The following KLHDC1 variants were observed in gnomAD, a reference collection of about 807,000 sequenced individuals.
KLHDC1 encodes the protein kelch domain containing 1.
Under a neutral mutation model 68.3 loss-of-function variants are expected in KLHDC1, and 53 were observed. That is an observed-to-expected ratio of 0.78 (90% CI 0.62 to 0.98). The LOEUF is 0.98. KLHDC1 is among the 50% of genes least tolerant of loss of function. KLHDC1 has a pLI of 0.00. For synonymous variants in KLHDC1, 148 were observed against 159.0 expected, an observed-to-expected ratio of 0.93 and a Z score of 0.52; for missense variants, 470 against 492.3, an observed-to-expected ratio of 0.95 and a Z score of 0.43.
intron 1 of KLHDC1, among the ~76,000 whole-genome samples, chr14:49,695,116 ATGTGTGTGTGTG>A (rs71115393): frequency 3.5e-4 from 50 of 142,202 alleles, no homozygotes; most frequent in Non-Finnish European, 5.3e-4. Flanking sequence ...TGCAGTTTTG[ATGTGTGTGTGTG>A]TGTGTGTGTG....
At chr14:49,705,679 C>G (rs142273878) in intron 1 of KLHDC1, among the ~76,000 whole-genome samples, 1 of 151,956 alleles carries the variant, frequency 6.6e-6, no homozygotes. Context: ...TATAATATTT[C>G]TTTTGTAAAG....
At chr14:49,714,456 G>C (rs1250112448) in intron 4 of KLHDC1, among the ~76,000 whole-genome samples, 1 of 151,530 alleles carries the variant, frequency 6.6e-6, no homozygotes, top group African/African-American at 2.4e-5. Flanking sequence ...CTGGGTAACA[G>C]AGCGAGACTC....
intron 11 of KLHDC1, among the ~76,000 whole-genome samples, chr14:49,741,782 G>A (rs1889071973): frequency 1.3e-5 from 2 of 152,118 alleles, no homozygotes; most frequent in Non-Finnish European, 1.5e-5. Flanking sequence ...GAGCAGGGCG[G>A]CCATATTTAT....
chr14:49,750,394 G>A (rs1006900320), intron 12 of KLHDC1, among the ~76,000 whole-genome samples: 2 of 152,166 alleles, frequency 1.3e-5, no homozygotes, highest in African/African-American at 4.8e-5. Context: ...ACCTCCATCT[G>A]GAGAGTTTCC....
At chr14:49,734,131 A>T (rs1888878581) in intron 9 of KLHDC1, among the ~76,000 whole-genome samples, 1 of 152,158 alleles carries the variant, frequency 6.6e-6, no homozygotes, top group Non-Finnish European at 1.5e-5. Flanking sequence ...GTCCTAACTC[A>T]TAAGCTAGTC....
At chr14:49,705,588 C>T (rs1888030732) in intron 1 of KLHDC1, among the ~76,000 whole-genome samples, 1 of 151,784 alleles carries the variant, frequency 6.6e-6, no homozygotes, top group Non-Finnish European at 1.5e-5. Context: ...CCAGGCTGCT[C>T]TCGAACTCCT....
intron 10 of KLHDC1, among the ~76,000 whole-genome samples, chr14:49,737,274 G>A (rs1888951048): frequency 6.6e-6 from 1 of 152,122 alleles, no homozygotes; most frequent in South Asian, 2.1e-4. Flanking sequence ...TGGAGAACTG[G>A]GCAGAGTATT....
chr14:49,748,062 A>C (rs887772494), intron 12 of KLHDC1, among the ~76,000 whole-genome samples: 2 of 152,290 alleles, frequency 1.3e-5, no homozygotes, highest in South Asian at 4.1e-4. Context: ...TAAGAATTAA[A>C]AGGATAAGAG....
chr14:49,715,616 G>C (rs1888349581), intron 4 of KLHDC1, among the ~76,000 whole-genome samples: 1 of 149,994 alleles, frequency 6.7e-6, no homozygotes, highest in South Asian at 2.1e-4. Context: ...GCAGTGGCAG[G>C]TACCTGTAGT....
rs1217291436 is a variant in KLHDC1 at position 49,729,521 on chromosome 14, A to T, written c.683A>T (p.Asn228Ile). Residue 228 changes from asparagine to isoleucine, a missense_variant, in exon 8 of 13, where the codon AAC becomes ATC. Coordinates refer to ENST00000359332, the MANE Select transcript of KLHDC1 (RefSeq NM_172193.3). ...QTRMNDLHYL[N>I]LDTWTWSGRI... ...AGGATGAATGATTTGCACTATCTAA[A>T]CCTAGACACCTGGACTTGGTCTGGA... 1 of 1,610,790 alleles carries T rather than the reference A, an allele frequency of 6.2e-7. No individual in the cohort carries two copies. Among genetic ancestry groups the T allele is most frequent in the Non-Finnish European group, 8.5e-7 (1 of 1,177,424 alleles).
intron 12 of KLHDC1, chr14:49,750,880 A>G (rs1230616389): frequency 6.6e-6 from 1 of 152,218 alleles, no homozygotes; most frequent in Admixed American, 6.5e-5. Context: ...CACTTCCTGT[A>G]TCGCTCCATT....
intron 4 of KLHDC1, among the ~76,000 whole-genome samples, chr14:49,713,011 G>A (rs925122086): frequency 6.9e-6 from 1 of 144,084 alleles, no homozygotes. Flanking sequence ...ATGCAGTGGC[G>A]CGATCTCAGC....
At chr14:49,747,010 G>A (rs559705076) in intron 12 of KLHDC1, among the ~76,000 whole-genome samples, 71 of 147,930 alleles carry the variant, frequency 4.8e-4, no homozygotes, top group African/African-American at 1.7e-3. Flanking sequence ...TGCAGTACGC[G>A]ATCTCAGCTC....
intron 8 of KLHDC1, among the ~76,000 whole-genome samples, 193 bp from the exon 9 acceptor site, chr14:49,732,511 T>C (rs1888835892): frequency 6.6e-6 from 1 of 152,120 alleles, no homozygotes; most frequent in Admixed American, 6.6e-5. Flanking sequence ...CCAGGTGGAA[T>C]GGTCATTAAA....
chr14:49,693,412 A>G, intron 1 of KLHDC1, 122 bp downstream of exon 1: 1 of 523,322 alleles, frequency 1.9e-6, no homozygotes, highest in Non-Finnish European at 2.9e-6. Context: ...CGGCGCCTGC[A>G]GCCCCCCAGC....
At chr14:49,738,821 G>C (rs551605618) in intron 10 of KLHDC1, among the ~76,000 whole-genome samples, 1 of 152,306 alleles carries the variant, frequency 6.6e-6, no homozygotes, top group Non-Finnish European at 1.5e-5. Flanking sequence ...AGCATTTGCC[G>C]ATTTCCAAGG....
chr14:49,723,604 A>G (rs1479397464), intron 4 of KLHDC1, among the ~76,000 whole-genome samples: 1 of 152,192 alleles, frequency 6.6e-6, no homozygotes, highest in Non-Finnish European at 1.5e-5. Context: ...AAATTTGGGT[A>G]GTTTCTTCTT....
At chr14:49,738,195 T>C (rs1360722440) in intron 10 of KLHDC1, among the ~76,000 whole-genome samples, 1 of 151,966 alleles carries the variant, frequency 6.6e-6, no homozygotes, top group Non-Finnish European at 1.5e-5. Context: ...TTGTTAATAA[T>C]GTGATATTGG....
chr14:49,711,482 C>T (rs1888198802), intron 4 of KLHDC1, among the ~76,000 whole-genome samples: 3 of 151,924 alleles, frequency 2.0e-5, no homozygotes, highest in South Asian at 4.2e-4. Context: ...GGATTACAAG[C>T]GTGAGCCACT....
Sources: gnomAD v4.1 joint callset for allele counts (sites outside exome capture counted in the v4.1 genomes callset) on GRCh38, gnomAD v4.1.1 for gene constraint, MANE v1.5 for transcripts, NCBI Gene and HGNC (gene_info 2026-07-23, HGNC 2026-07-21) for gene names.